Variants in MAD1L1 observed in about 807,000 individuals in gnomAD.
MAD1L1 encodes mitotic arrest deficient 1 like 1.
A neutral mutation model predicts 96.9 loss-of-function variants in MAD1L1; 95 were observed. The observed-to-expected ratio is 0.98, with a 90% CI of 0.83 to 1.16. The LOEUF (loss-of-function observed/expected upper bound fraction) is 1.16. Ranked by LOEUF, MAD1L1 falls within the 50% of genes most tolerant of loss-of-function variation. MAD1L1 has a pLI of 0.00. For synonymous variants in MAD1L1, 473 were observed against 396.6 expected (o/e 1.19, Z -2.29); for missense variants, 1,007 against 954.4 (o/e 1.06, Z -0.73).
intron 12 of MAD1L1, among the ~76,000 whole-genome samples, chr7:2,038,017 T>A (rs1783515657): frequency 6.6e-6 from 1 of 152,046 alleles, no homozygotes; most frequent in Non-Finnish European, 1.5e-5. Context: ...AAAGGGAAAG[T>A]TCTTGGAGGA....
intron 18 of MAD1L1, among the ~76,000 whole-genome samples, chr7:1,820,704 C>T (rs568760415): frequency 6.6e-6 from 1 of 152,188 alleles, no homozygotes; most frequent in African/African-American, 2.4e-5. Context: ...GATCACACCA[C>T]TGCACTCCAG....
chr7:2,131,672 G>A (rs934322198), intron 11 of MAD1L1, among the ~76,000 whole-genome samples: 2 of 152,198 alleles, frequency 1.3e-5, no homozygotes, highest in African/African-American at 4.8e-5. Flanking sequence ...CCAGAGAGCA[G>A]CAACAGGGAC....
At chr7:2,032,040 C>T (rs749386165) in intron 12 of MAD1L1, among the ~76,000 whole-genome samples, 2 of 152,196 alleles carry the variant, frequency 1.3e-5, no homozygotes, top group South Asian at 2.1e-4. Context: ...CTTTCTCCAC[C>T]GACGGGTAAC....
chr7:2,125,454 G>C (rs528538981), intron 11 of MAD1L1, among the ~76,000 whole-genome samples: 1 of 152,334 alleles, frequency 6.6e-6, no homozygotes, highest in Admixed American at 6.5e-5. Context: ...GCAGCCTGGT[G>C]AGCGAGCTCC....
chr7:2,169,556 G>A (rs545627439), intron 10 of MAD1L1, among the ~76,000 whole-genome samples: 2 of 152,366 alleles, frequency 1.3e-5, no homozygotes, highest in South Asian at 2.1e-4. Context: ...TGCACTGAGC[G>A]GTGGCCAGTG....
intron 18 of MAD1L1, among the ~76,000 whole-genome samples, chr7:1,857,558 G>A (rs1028650158): frequency 3.9e-5 from 6 of 152,252 alleles, no homozygotes; most frequent in African/African-American, 7.2e-5. Context: ...GCCCTGCTGC[G>A]GCTGGGATGA....
intron 16 of MAD1L1, among the ~76,000 whole-genome samples, chr7:1,951,177 T>C (rs1779479371): frequency 6.6e-6 from 1 of 152,200 alleles, no homozygotes; most frequent in Admixed American, 6.5e-5. Context: ...GTCTCCCCAC[T>C]ACAGGGCACA....
At chr7:2,182,050 C>A (rs1177943059) in intron 10 of MAD1L1, among the ~76,000 whole-genome samples, 2 of 152,020 alleles carry the variant, frequency 1.3e-5, no homozygotes. Context: ...GTGACAGGTG[C>A]ACCAAAATCT....
At chr7:2,208,792 C>G (rs1316689827) in intron 10 of MAD1L1, among the ~76,000 whole-genome samples, 1 of 152,164 alleles carries the variant, frequency 6.6e-6, no homozygotes, top group Admixed American at 6.5e-5. Flanking sequence ...TGCCCGAGGT[C>G]TTGCCGAGGA....
At chr7:2,149,575 G>A (rs1789470216) in intron 10 of MAD1L1, among the ~76,000 whole-genome samples, 1 of 152,190 alleles carries the variant, frequency 6.6e-6, no homozygotes, top group Non-Finnish European at 1.5e-5. Flanking sequence ...CAGGGGAGGT[G>A]CTCAGCGAGT....
At chr7:2,077,234 G>A (rs1361509226) in intron 11 of MAD1L1, among the ~76,000 whole-genome samples, 1 of 152,210 alleles carries the variant, frequency 6.6e-6, no homozygotes, top group African/African-American at 2.4e-5. Flanking sequence ...CATGAAACTA[G>A]GAAAATACTA....
chr7:2,148,455 C>T (rs557098224), intron 11 of MAD1L1: 2 of 152,888 alleles, frequency 1.3e-5, no homozygotes, highest in South Asian at 4.1e-4. Flanking sequence ...CAGGGGCAGG[C>T]ATAAGACCCC....
intron 12 of MAD1L1, among the ~76,000 whole-genome samples, chr7:2,064,810 GACAGCGGC>G (rs1784809951): frequency 1.5e-5 from 1 of 67,338 alleles, no homozygotes. Context: ...CTTCTCCCAG[GACAGCGGC>G]TTCTCCCAGG....
rs1187164625 is a variant in MAD1L1 at position 2,114,567 on chromosome 7, T to C, written c.1073+34585A>G. ...ACGTCACGTGGCAGAAGGATCTTCATGAAGATGAGCATGGCTACGACTTGA... is the reference window on the plus strand; with the variant it reads ...ACGTCACGTGGCAGAAGGATCTTCACGAAGATGAGCATGGCTACGACTTGA... On this transcript the variant is annotated intron_variant, in intron 11 of 18. Coordinates refer to ENST00000265854, the MANE Select transcript of MAD1L1 (RefSeq NM_001013836.2). The surrounding 1 kb of genome is among the most constrained non-coding windows in gnomAD (Gnocchi z 4.2). Among the ~76,000 whole-genome samples the C allele has an allele frequency of 6.6e-6, 1 of 152,252 alleles. No homozygotes were observed. Among genetic ancestry groups the C allele is most frequent in the Non-Finnish European group, 1.5e-5 (1 of 68,048 alleles).
At position 1,915,535 on chromosome 7, in the gene MAD1L1, G is replaced by A. The variant is rs1009982543; in HGVS notation, c.1808-17145C>T. 3.3e-5 allele frequency among the ~76,000 whole-genome samples: 5 copies of A among 152,340 alleles called. No homozygotes were observed. In the South Asian group the frequency reaches 6.2e-4, roughly 19 times the overall value. On this transcript the variant is annotated intron_variant, in intron 17 of 18. Transcript: ENST00000265854. ...CGTACGTGGAGCGGTGTTCCACGGC[G>A]GGCTGGAGGACGCACGCTGCCTGCC...
Position 1,815,875 on chromosome 7 carries a change from TGG to T in MAD1L1, c.*193_*194del, listed in dbSNP as rs936553352. The stretch of plus-strand genomic sequence containing the variant: ...CCCACACACCAGGCTCCGGGACGCA[TGG>T]GGTCTGCACGTGGAGAGGGTGCTGG... On this transcript the variant is annotated 3_prime_UTR_variant, in exon 19 of 19. Coordinates refer to ENST00000265854, the MANE Select transcript of MAD1L1 (RefSeq NM_001013836.2). 11 of 597,612 alleles carry T rather than the reference TGG, an allele frequency of 1.8e-5. No homozygotes were observed. Among genetic ancestry groups the T allele is most frequent in the Admixed American group, 3.2e-5 (1 of 31,068 alleles). The allele number at this position is 597,612 out of a possible 1,614,324, so 37.0% of individuals were successfully genotyped here. A position where few individuals can be genotyped will look rare whatever the true frequency, so the allele number is the denominator to read the frequency against.
chr7:2,198,500 G>A lies in MAD1L1; in HGVS notation c.986+14712C>T, dbSNP rs142570202. On this transcript the variant is annotated intron_variant, in intron 10 of 18. Coordinates refer to ENST00000265854, the MANE Select transcript of MAD1L1 (RefSeq NM_001013836.2). ...GCCAGCCACACACAACACCAGGAGC[G>A]CTGGCATCGCCGGAGCAAGGAGCCC... is the stretch of plus-strand genomic sequence containing the variant. Among the ~76,000 whole-genome samples, 817 of 152,354 alleles carry A rather than the reference G, an allele frequency of 5.4e-3. 7 individuals are homozygous for A. The highest frequency in any genetic ancestry group is 8.2e-3 in the Non-Finnish European group (557 of 68,028).
Position 1,836,663 on chromosome 7 carries a change from G to A in MAD1L1, c.1999-20435C>T, listed in dbSNP as rs575077699. The stretch of plus-strand genomic sequence containing the variant: ...CCCCAAAATGATCTATAGAGTCAGC[G>A]TAATTCCAATTAAAATCCTAGCAGG... On this transcript the variant is annotated intron_variant, in intron 18 of 18. Transcript: ENST00000265854. Among the ~76,000 whole-genome samples the A allele has an allele frequency of 5.2e-3, 788 of 152,256 alleles. 9 individuals are homozygous for A. Among genetic ancestry groups the A allele is most frequent in the African/African-American group, 0.018 (742 of 41,532 alleles).
intron 12 of MAD1L1, among the ~76,000 whole-genome samples, chr7:2,042,214 C>T (rs1584163060): frequency 7.7e-6 from 1 of 130,598 alleles, no homozygotes. Context: ...GACACGCACA[C>T]AGACGTGCAC....
Sources: gnomAD v4.1 joint callset for allele counts (sites outside exome capture counted in the v4.1 genomes callset) on GRCh38, gnomAD v4.1.1 for gene constraint, Gnocchi (gnomAD v3.1) non-coding constraint, MANE v1.5 for transcripts, NCBI Gene and HGNC (gene_info 2026-07-23, HGNC 2026-07-21) for gene names.